TMTC2: variants seen among roughly 807,000 people sequenced by gnomAD.
TMTC2 encodes transmembrane O-mannosyltransferase targeting cadherins 2.
In TMTC2, 43 loss-of-function variants were observed where a neutral mutation model predicts 82.4. The ratio of observed to expected loss-of-function variants is 0.52; its 90% CI spans 0.41 to 0.67. The LOEUF is 0.67. TMTC2 is among the 30% of genes least tolerant of loss of function. TMTC2 has a pLI of 0.00. For missense variants in TMTC2, 919 were observed against 1,012.4 expected, an observed-to-expected ratio of 0.91 and a Z score of 1.25; for synonymous variants, 408 against 381.9, an observed-to-expected ratio of 1.07 and a Z score of -0.80.
Position 82,910,884 on chromosome 12 carries a change from T to A in TMTC2, c.1483+14238T>A, listed in dbSNP as rs1565805705. Among the ~76,000 whole-genome samples, 3 of 151,830 alleles carry A rather than the reference T, an allele frequency of 2.0e-5. No homozygotes were observed. The South Asian group carries it at 6.2e-4, about 32-fold the overall frequency. ...TCTCTGGGTTGTTTTTTTCTTTTTT[T>A]TTTTTTTAGAGACAGAGGCAGAGTC... is the stretch of plus-strand genomic sequence containing the variant. On this transcript the variant is annotated intron_variant, in intron 3 of 11. Transcript: ENST00000321196.
chr12:83,089,840 C>CAA (rs1381824863), intron 11 of TMTC2, among the ~76,000 whole-genome samples: 220 of 141,084 alleles, frequency 1.6e-3, no homozygotes, highest in African/African-American at 4.9e-3. Context: ...AAACAAAAAA[C>CAA]AAAAAACAAA....
intron 1 of TMTC2, among the ~76,000 whole-genome samples, chr12:82,850,522 A>C (rs1195556138): frequency 6.6e-6 from 1 of 152,084 alleles, no homozygotes; most frequent in Non-Finnish European, 1.5e-5. Context: ...TGGAAATTGC[A>C]GAGAAAGAGA....
chr12:83,082,836 T>C (rs1212706853), intron 11 of TMTC2, among the ~76,000 whole-genome samples: 2 of 152,196 alleles, frequency 1.3e-5, no homozygotes, highest in African/African-American at 4.8e-5. Flanking sequence ...TTGCTATAAA[T>C]AGCATGCCTC....
intron 1 of TMTC2, chr12:82,760,777 C>G (rs1876582219): frequency 3.3e-6 from 1 of 306,310 alleles, no homozygotes; most frequent in Non-Finnish European, 6.7e-6. Flanking sequence ...GGGTGCAAAC[C>G]CTGCTGTGAA....
intron 7 of TMTC2, among the ~76,000 whole-genome samples, chr12:82,980,760 A>C (rs1165253418): frequency 6.6e-6 from 1 of 151,908 alleles, no homozygotes; most frequent in Admixed American, 6.6e-5. Context: ...TCCGCATGTC[A>C]GTCACGTACG....
At chr12:82,894,701 T>G (rs1873568693) in intron 2 of TMTC2, among the ~76,000 whole-genome samples, 1 of 152,190 alleles carries the variant, frequency 6.6e-6, no homozygotes, top group Non-Finnish European at 1.5e-5. Flanking sequence ...GGAGAAGGAC[T>G]TTGCCAGAAA....
At chr12:83,071,784 A>T (rs1169765401) in intron 11 of TMTC2, among the ~76,000 whole-genome samples, 1 of 151,698 alleles carries the variant, frequency 6.6e-6, no homozygotes, top group Non-Finnish European at 1.5e-5. Flanking sequence ...TTTCTAATTT[A>T]TATGTGTCAA....
At chr12:82,808,038 A>G (rs1224157133) in intron 1 of TMTC2, among the ~76,000 whole-genome samples, 1 of 151,972 alleles carries the variant, frequency 6.6e-6, no homozygotes, top group Non-Finnish European at 1.5e-5. Flanking sequence ...AGAAATTGGC[A>G]TCTCTAGATT....
At position 83,080,274 on chromosome 12, in the gene TMTC2, A is replaced by G. The variant is rs12318195; in HGVS notation, c.2331+18443A>G. 6.9e-3 allele frequency among the ~76,000 whole-genome samples: 1,051 copies of G among 152,296 alleles called. 10 individuals carry two copies. Among genetic ancestry groups the G allele is most frequent in the African/African-American group, 0.024 (991 of 41,560 alleles). On this transcript the variant is annotated intron_variant, in intron 11 of 11. Transcript: ENST00000321196. ...TTAGGAATCTTTTTTACACAGTGAT[A>G]TATAAACAAATGTTCACTTAAATGG...
chr12:82,750,362 G>C (rs1875921613), intron 1 of TMTC2, among the ~76,000 whole-genome samples: 2 of 151,940 alleles, frequency 1.3e-5, no homozygotes, highest in South Asian at 4.2e-4. Context: ...GATGGCCCTG[G>C]ATGTCTTTTC....
At chr12:83,047,777 C>A (rs1309950202) in intron 9 of TMTC2, among the ~76,000 whole-genome samples, 2 of 152,252 alleles carry the variant, frequency 1.3e-5, no homozygotes, top group Non-Finnish European at 2.9e-5. Context: ...GCACATGTTG[C>A]ATGGCAAAGC....
In TMTC2 at chr12:83,087,250, A is replaced by G. The variant is rs528276166; in HGVS notation, c.2331+25419A>G. Among the ~76,000 whole-genome samples, 18 of 152,242 alleles carry G rather than the reference A, an allele frequency of 1.2e-4. No homozygotes were observed. In the East Asian group the frequency reaches 3.1e-3, roughly 26 times the overall value. ...TTTTTCCTGGGCTTATAATAATTCA[A>G]TTACATCTTCAGGGTCCAGTTCTAA... On this transcript the variant is annotated intron_variant, in intron 11 of 11. Transcript: ENST00000321196.
At chr12:82,797,930 C>T (rs1291925229) in intron 1 of TMTC2, among the ~76,000 whole-genome samples, 1 of 147,718 alleles carries the variant, frequency 6.8e-6, no homozygotes, top group East Asian at 2.0e-4. Context: ...AATATAACCA[C>T]CCTAATTTTT....
intron 8 of TMTC2, among the ~76,000 whole-genome samples, chr12:83,000,102 A>T (rs748393999): frequency 6.6e-6 from 1 of 151,492 alleles, no homozygotes; most frequent in Non-Finnish European, 1.5e-5. Flanking sequence ...CAAAGTGGCT[A>T]CAGGCACACA....
At chr12:82,913,053 C>T (rs1045977437) in intron 3 of TMTC2, among the ~76,000 whole-genome samples, 4 of 151,648 alleles carry the variant, frequency 2.6e-5, no homozygotes, top group Admixed American at 6.6e-5. Flanking sequence ...TAGTATATTA[C>T]GATTACTGTA....
intron 1 of TMTC2, among the ~76,000 whole-genome samples, chr12:82,745,022 A>ATT (rs1236441439): frequency 6.6e-6 from 1 of 152,104 alleles, no homozygotes; most frequent in Non-Finnish European, 1.5e-5. Flanking sequence ...TACAAAAGAT[A>ATT]TTGCTATTTC....
chr12:82,908,744 A>G (rs761790160), intron 3 of TMTC2, among the ~76,000 whole-genome samples: 43 of 152,042 alleles, frequency 2.8e-4, no homozygotes, highest in Non-Finnish European at 5.3e-4. Flanking sequence ...TTTCTTCTAT[A>G]TTAGGTAGAA....
intron 3 of TMTC2, among the ~76,000 whole-genome samples, chr12:82,898,013 G>A (rs1873770610): frequency 6.6e-6 from 1 of 152,116 alleles, no homozygotes; most frequent in Non-Finnish European, 1.5e-5. Context: ...ACTTTGGCAT[G>A]CTTGTCTGAT....
At chr12:82,937,639 G>A (rs1876387655) in intron 4 of TMTC2, among the ~76,000 whole-genome samples, 1 of 151,484 alleles carries the variant, frequency 6.6e-6, no homozygotes, top group Non-Finnish European at 1.5e-5. Context: ...TTAATGGGGA[G>A]AGTGAAAGAG....
Sources: allele counts gnomAD v4.1 joint callset (sites outside exome capture counted in the v4.1 genomes callset), GRCh38; gene constraint gnomAD v4.1.1; transcripts MANE v1.5; gene names NCBI Gene and HGNC (gene_info 2026-07-23, HGNC 2026-07-21).